Variants in CLIP1 observed in about 807,000 individuals in gnomAD.
CLIP1 encodes CAP-Gly domain containing linker protein 1.
CLIP1 carries 66 observed loss-of-function variants against 161.6 expected under a neutral mutation model. That is an observed-to-expected ratio of 0.41 (90% CI 0.33 to 0.50). The LOEUF (loss-of-function observed/expected upper bound fraction) is 0.50, where lower values mean the gene tolerates loss of function less well. CLIP1 is among the 20% of genes least tolerant of loss of function. The pLI is 0.27. For missense variants in CLIP1, 1,376 were observed against 1,702.0 expected, an observed-to-expected ratio of 0.81 and a Z score of 3.37; for synonymous variants, 598 against 626.2, an observed-to-expected ratio of 0.96 and a Z score of 0.67.
chr12:122,274,172 TAA>T lies in CLIP1; in HGVS notation c.3967-12_3967-11del. The T allele has an allele frequency of 7.7e-6, 11 of 1,426,588 alleles. No individual in the cohort carries two copies. Among genetic ancestry groups the T allele is most frequent in the African/African-American group, 2.9e-5 (2 of 69,906 alleles). The allele number at this position is 1,426,588 out of a possible 1,614,324, so 88.4% of individuals were successfully genotyped here. On this transcript the variant is annotated splice_polypyrimidine_tract_variant and intron_variant, in intron 24 of 25. Transcript: ENST00000620786. ...AATTTAGGAAATCAATCTGATTTGT[TAA>T]AAAAAAAATGTGTAAAATGTCAAGA...
At chr12:122,386,129 T>C (rs1169308883) in intron 1 of CLIP1, among the ~76,000 whole-genome samples, 1 of 151,866 alleles carries the variant, frequency 6.6e-6, no homozygotes, top group Admixed American at 6.6e-5. Flanking sequence ...CTACTAAAAA[T>C]ACAAAAATTA....
intron 1 of CLIP1, chr12:122,400,274 T>C (rs1566231175): frequency 6.6e-6 from 1 of 152,156 alleles, no homozygotes; most frequent in African/African-American, 2.4e-5. Context: ...TGAAGGGCAT[T>C]TGCAAATTTT....
At chr12:122,379,932 A>T (rs1356026228) in intron 2 of CLIP1, among the ~76,000 whole-genome samples, 2 of 130,272 alleles carry the variant, frequency 1.5e-5, no homozygotes, top group African/African-American at 5.5e-5. Context: ...GAATAGAGCA[A>T]GACTCCATCT....
chr12:122,359,445 C>T (rs1305295129), intron 5 of CLIP1, among the ~76,000 whole-genome samples: 2 of 152,092 alleles, frequency 1.3e-5, no homozygotes, highest in Admixed American at 6.5e-5. Flanking sequence ...CAGAATAGAC[C>T]CTCCCATGGA....
intron 1 of CLIP1, among the ~76,000 whole-genome samples, chr12:122,402,774 C>G (rs1192773969): frequency 6.6e-6 from 1 of 152,164 alleles, no homozygotes; most frequent in Non-Finnish European, 1.5e-5. Flanking sequence ...ACATTCCAGC[C>G]TGGGTGACAG....
chr12:122,407,029 AACT>A (rs1593262310), intron 1 of CLIP1, among the ~76,000 whole-genome samples: 1 of 152,180 alleles, frequency 6.6e-6, no homozygotes, highest in Non-Finnish European at 1.5e-5. Flanking sequence ...GTGACTTTGT[AACT>A]CTAACACATA....
intron 20 of CLIP1, among the ~76,000 whole-genome samples, chr12:122,308,893 A>T (rs2136497870): frequency 6.6e-6 from 1 of 152,360 alleles, no homozygotes; most frequent in South Asian, 2.1e-4. Context: ...TACTCAGTAC[A>T]ACTACCCCAA....
At chr12:122,410,165 C>A (rs1490966587) in intron 1 of CLIP1, among the ~76,000 whole-genome samples, 1 of 151,936 alleles carries the variant, frequency 6.6e-6, no homozygotes, top group African/African-American at 2.4e-5. Context: ...AGTCACCATG[C>A]CTAGCCTCAT....
chr12:122,287,760 T>A (rs917962647), intron 21 of CLIP1, among the ~76,000 whole-genome samples: 10 of 152,196 alleles, frequency 6.6e-5, no homozygotes, highest in African/African-American at 2.4e-4. Context: ...GGAGAGTAAG[T>A]AAGAAAGCCT....
chr12:122,398,600 G>A (rs1329432500), intron 1 of CLIP1, among the ~76,000 whole-genome samples: 3 of 152,000 alleles, frequency 2.0e-5, no homozygotes, highest in Non-Finnish European at 4.4e-5. Flanking sequence ...AGGCATGGTG[G>A]CTCACACCTA....
intron 9 of CLIP1, chr12:122,350,898 T>C (rs1462082215): frequency 2.5e-6 from 1 of 404,412 alleles, no homozygotes; most frequent in Non-Finnish European, 4.4e-6. Flanking sequence ...GGCCTATTCA[T>C]TAAACACATG....
intron 17 of CLIP1, chr12:122,324,083 A>G (rs752534652): frequency 1.3e-5 from 2 of 152,672 alleles, no homozygotes; most frequent in Non-Finnish European, 2.9e-5. Flanking sequence ...CTCAACAGCC[A>G]AAGCTTCTTT....
chr12:122,273,963 C>T, intron 25 of CLIP1, 75 bp downstream of exon 25: 1 of 1,358,000 alleles, frequency 7.4e-7, no homozygotes, highest in Admixed American at 1.8e-5. Flanking sequence ...AACTCCTGAC[C>T]CTCAAGTGGT....
At chr12:122,274,232 A>AAGTG in intron 24 of CLIP1, 70 bp from the exon 25 acceptor site, 2 of 1,375,550 alleles carry the variant, frequency 1.5e-6, no homozygotes, top group Non-Finnish European at 2.0e-6. Context: ...AGAAGTCATG[A>AAGTG]AGTTTATACC....
At chr12:122,414,964 A>G (rs1956680135) in intron 1 of CLIP1, among the ~76,000 whole-genome samples, 1 of 152,084 alleles carries the variant, frequency 6.6e-6, no homozygotes, top group African/African-American at 2.4e-5. Context: ...AGGCTGAGGC[A>G]TGAGAATCCT....
intron 21 of CLIP1, among the ~76,000 whole-genome samples, chr12:122,285,226 T>A (rs1355080222): frequency 7.6e-6 from 1 of 131,694 alleles, no homozygotes; most frequent in Non-Finnish European, 1.5e-5. Context: ...GAGATACCAG[T>A]CCTTTTTTTT....
intron 9 of CLIP1, among the ~76,000 whole-genome samples, chr12:122,349,128 T>C (rs938596646): frequency 6.6e-6 from 1 of 152,232 alleles, no homozygotes; most frequent in African/African-American, 2.4e-5. Context: ...TCAATTTCCC[T>C]GCTTTTATAA....
At chr12:122,328,489 A>G (rs1309453519) in intron 15 of CLIP1, 63 bp from the exon 16 acceptor site, 1 of 938,664 alleles carries the variant, frequency 1.1e-6, no homozygotes, top group African/African-American at 1.7e-5. Flanking sequence ...TTTAAGTTAT[A>G]TTAAAATATA....
At chr12:122,390,322 T>TA (rs1955602338) in intron 1 of CLIP1, among the ~76,000 whole-genome samples, 22 of 133,856 alleles carry the variant, frequency 1.6e-4, no homozygotes, top group Non-Finnish European at 3.5e-4. Flanking sequence ...ATATATATTA[T>TA]TTTTTTTTTA....
Sources: allele counts gnomAD v4.1 joint callset (sites outside exome capture counted in the v4.1 genomes callset), GRCh38; gene constraint gnomAD v4.1.1; transcripts MANE v1.5; gene names NCBI Gene and HGNC (gene_info 2026-07-23, HGNC 2026-07-21).